The following SLIT2 variants were observed in gnomAD, a reference collection of about 807,000 sequenced individuals.
SLIT2 encodes the protein slit guidance ligand 2, also known as slit homolog 2 protein.
Under a neutral mutation model 185.7 loss-of-function variants are expected in SLIT2, and 41 were observed. The ratio of observed to expected loss-of-function variants is 0.22; its 90% CI spans 0.17 to 0.29. The LOEUF (loss-of-function observed/expected upper bound fraction) is 0.29. Among genes scored for constraint, SLIT2 ranks in the 10% least tolerant of loss-of-function variants. The pLI is 1.00. For missense variants in SLIT2, 1,571 were observed against 1,909.0 expected (o/e 0.82, Z 3.30); for synonymous variants, 693 against 680.2 (o/e 1.02, Z -0.29).
At position 20,524,163 on chromosome 4, in the gene SLIT2, A is replaced by T. The variant is rs988006983; in HGVS notation, c.1424A>T (p.Lys475Ile). The T allele has an allele frequency of 1.5e-5, 25 of 1,613,938 alleles. No individual in the cohort carries two copies. The highest frequency in any genetic ancestry group is 2.1e-5 in the Non-Finnish European group (25 of 1,179,994). ...NKRIGQIKSK[K>I]FRCSAKEQYF... ...AGAATTGGACAGATCAAAAGCAAGA[A>T]ATTCCGTTGTTCAGGTAATTTCTTC... Residue 475 changes from lysine to isoleucine, a missense_variant, in exon 14 of 37, where the codon AAA (lysine) becomes ATA (isoleucine). This residue lies in a region of SLIT2 where 1,202 missense variants were observed against 1,416.4 expected (regional missense o/e 0.85). Coordinates refer to ENST00000504154, the MANE Select transcript of SLIT2 (RefSeq NM_004787.4).
chr4:20,589,121 A>G (rs1382107762), intron 29 of SLIT2, among the ~76,000 whole-genome samples: 3 of 152,158 alleles, frequency 2.0e-5, no homozygotes, highest in Admixed American at 1.3e-4. Context: ...CATTTATGTC[A>G]AGCTCAAAAA....
chr4:20,324,393 T>A (rs1164972142), intron 4 of SLIT2, among the ~76,000 whole-genome samples: 2 of 149,098 alleles, frequency 1.3e-5, no homozygotes, highest in Non-Finnish European at 3.0e-5. Flanking sequence ...GCCATTTCCC[T>A]GCTCTCTTTG....
chr4:20,576,926 A>G (rs1726126176), intron 29 of SLIT2, among the ~76,000 whole-genome samples: 2 of 152,154 alleles, frequency 1.3e-5, no homozygotes. Context: ...GTGTTCCAAT[A>G]AGGAAATGCT....
In SLIT2 at chr4:20,257,859, G is replaced by T. The variant is rs746087975; in HGVS notation, c.252-9G>T. ...AACATTAAGAAGCATGTTATATTTT[G>T]CATTTCAGTCAGCTTATGGAGAATA... On this transcript the variant is annotated splice_polypyrimidine_tract_variant and intron_variant, in intron 2 of 36. Coordinates refer to ENST00000504154, the MANE Select transcript of SLIT2 (RefSeq NM_004787.4). 2 of 1,458,462 alleles carry T rather than the reference G, an allele frequency of 1.4e-6. No individual in the cohort carries two copies. Among genetic ancestry groups the T allele is most frequent in the East Asian group, 2.3e-5 (1 of 43,772 alleles). The allele number at this position is 1,458,462 out of a possible 1,614,324, so 90.3% of individuals were successfully genotyped here.
intron 21 of SLIT2, among the ~76,000 whole-genome samples, chr4:20,543,943 C>T (rs565328850): frequency 3.7e-4 from 57 of 152,136 alleles, no homozygotes; most frequent in Non-Finnish European, 5.9e-4. Context: ...TATTCCGAAA[C>T]CCTCCTCTGT....
chr4:20,388,838 T>C (rs530025487), intron 4 of SLIT2, among the ~76,000 whole-genome samples: 114 of 145,380 alleles, frequency 7.8e-4, no homozygotes, highest in Non-Finnish European at 1.5e-3. Flanking sequence ...ATATATAATA[T>C]ATATAAAATA....
chr4:20,494,002 A>G (rs1264955776), intron 9 of SLIT2, among the ~76,000 whole-genome samples: 1 of 152,226 alleles, frequency 6.6e-6, no homozygotes, highest in African/African-American at 2.4e-5. Flanking sequence ...AGTTGTAAAT[A>G]TACATTGGAG....
chr4:20,483,220 A>G (rs1716886695), intron 6 of SLIT2, among the ~76,000 whole-genome samples: 1 of 151,976 alleles, frequency 6.6e-6, no homozygotes, highest in Non-Finnish European at 1.5e-5. Context: ...GATGGGAGAA[A>G]ATGAGGTAAT....
At chr4:20,494,694 G>T (rs1188357576) in intron 9 of SLIT2, among the ~76,000 whole-genome samples, 1 of 151,558 alleles carries the variant, frequency 6.6e-6, no homozygotes, top group African/African-American at 2.4e-5. Context: ...CAGGAGAATG[G>T]CATGAACCCG....
chr4:20,298,039 G>A (rs185987318), intron 4 of SLIT2, among the ~76,000 whole-genome samples: 17 of 151,702 alleles, frequency 1.1e-4, no homozygotes, highest in African/African-American at 4.1e-4. Flanking sequence ...GATCCTAAAG[G>A]CATATGTGCA....
At chr4:20,443,306 T>C (rs1729911300) in intron 4 of SLIT2, among the ~76,000 whole-genome samples, 1 of 152,184 alleles carries the variant, frequency 6.6e-6, no homozygotes, top group African/African-American at 2.4e-5. Flanking sequence ...TTAATTTCTT[T>C]CCACATGAGA....
chr4:20,576,342 T>C (rs867196975), intron 29 of SLIT2, among the ~76,000 whole-genome samples: 3 of 152,232 alleles, frequency 2.0e-5, no homozygotes, highest in Non-Finnish European at 4.4e-5. Flanking sequence ...AATTGTACTT[T>C]GTATGCTCAC....
intron 4 of SLIT2, among the ~76,000 whole-genome samples, chr4:20,347,851 T>C (rs1237149771): frequency 6.6e-6 from 1 of 152,220 alleles, no homozygotes; most frequent in Non-Finnish European, 1.5e-5. Context: ...GGGACTTGGC[T>C]CTAGCATCTT....
intron 15 of SLIT2, among the ~76,000 whole-genome samples, chr4:20,526,510 T>C (rs1721310225): frequency 6.6e-6 from 1 of 152,168 alleles, no homozygotes; most frequent in Non-Finnish European, 1.5e-5. Flanking sequence ...ATCCTAAAAT[T>C]ATGGCAGTAA....
intron 4 of SLIT2, among the ~76,000 whole-genome samples, chr4:20,445,233 A>G (rs1429159575): frequency 2.0e-5 from 3 of 152,246 alleles, no homozygotes; most frequent in Non-Finnish European, 4.4e-5. Flanking sequence ...ATGTGCTTGC[A>G]GACTATTCTT....
intron 4 of SLIT2, among the ~76,000 whole-genome samples, chr4:20,281,761 C>T (rs1306647431): frequency 6.6e-6 from 1 of 152,134 alleles, no homozygotes; most frequent in African/African-American, 2.4e-5. Flanking sequence ...CCCACCACAC[C>T]ATCCCTTGGA....
At chr4:20,371,536 ATCTTT>A in intron 4 of SLIT2, among the ~76,000 whole-genome samples, 1 of 152,168 alleles carries the variant, frequency 6.6e-6, no homozygotes, top group Admixed American at 6.5e-5. Context: ...CTCCACTCCC[ATCTTT>A]TCTTCAACAG....
chr4:20,547,541 G>T (rs1273235785), intron 22 of SLIT2, among the ~76,000 whole-genome samples: 2 of 151,666 alleles, frequency 1.3e-5, no homozygotes, highest in Non-Finnish European at 2.9e-5. Flanking sequence ...CAATTTCATG[G>T]GTCCATTTTA....
At chr4:20,543,570 T>C (rs375509604) in intron 21 of SLIT2, among the ~76,000 whole-genome samples, 25 of 152,352 alleles carry the variant, frequency 1.6e-4, no homozygotes, top group East Asian at 9.6e-4. Flanking sequence ...CAGTTATTTG[T>C]GCAGATGCAC....
Sources: allele counts gnomAD v4.1 joint callset (sites outside exome capture counted in the v4.1 genomes callset), GRCh38; gene constraint gnomAD v4.1.1; regional missense constraint gnomAD v4.1.1; transcripts MANE v1.5; gene names NCBI Gene and HGNC (gene_info 2026-07-23, HGNC 2026-07-21).